The following SAMMSON variants were observed in gnomAD, a reference collection of about 807,000 sequenced individuals.
SAMMSON encodes survival associated mitochondrial melanoma specific oncogenic non-coding RNA, also known as long intergenic non-protein coding RNA 1212.
intron 3 of SAMMSON, among the ~76,000 whole-genome samples, chr3:70,054,916 T>C (rs2067161542): frequency 6.6e-6 from 1 of 152,164 alleles, no homozygotes; most frequent in African/African-American, 2.4e-5. Context: ...GGCTGAAATA[T>C]CTTGATTTTC....
At chr3:70,334,009 T>G (rs1277528296) in intron 7 of SAMMSON, among the ~76,000 whole-genome samples, 1 of 152,250 alleles carries the variant, frequency 6.6e-6, no homozygotes, top group African/African-American at 2.4e-5. Flanking sequence ...GCTTCCTCAC[T>G]TGTTCAATGG....
chr3:70,348,081 A>C (rs1007759750), intron 7 of SAMMSON, among the ~76,000 whole-genome samples: 2 of 152,138 alleles, frequency 1.3e-5, no homozygotes, highest in African/African-American at 4.8e-5. Flanking sequence ...AAAAGTGGTA[A>C]GTGCTAAAGG....
chr3:70,236,214 A>G (rs1701607519), intron 4 of SAMMSON, among the ~76,000 whole-genome samples: 1 of 152,126 alleles, frequency 6.6e-6, no homozygotes, highest in Non-Finnish European at 1.5e-5. Flanking sequence ...GCCCCTTGTG[A>G]TCTACAGATC....
At chr3:70,020,137 C>G (rs2067006078) in intron 3 of SAMMSON, among the ~76,000 whole-genome samples, 1 of 152,110 alleles carries the variant, frequency 6.6e-6, no homozygotes, top group Non-Finnish European at 1.5e-5. Flanking sequence ...GGGCCGAGCA[C>G]CAGTTGCAAT....
chr3:70,200,919 A>T (rs1701231245), intron 4 of SAMMSON, among the ~76,000 whole-genome samples: 1 of 151,266 alleles, frequency 6.6e-6, no homozygotes, highest in South Asian at 2.1e-4. Context: ...TATATGTGTC[A>T]ACTATTTTGC....
intron 2 of SAMMSON, among the ~76,000 whole-genome samples, chr3:70,411,130 C>G (rs1435465761): frequency 6.6e-6 from 1 of 152,074 alleles, no homozygotes; most frequent in Admixed American, 6.6e-5. Flanking sequence ...CAGGTACAGC[C>G]TGTAAAGGAG....
intron 7 of SAMMSON, among the ~76,000 whole-genome samples, chr3:70,331,950 A>G (rs975242784): frequency 6.6e-6 from 1 of 152,224 alleles, no homozygotes; most frequent in Non-Finnish European, 1.5e-5. Flanking sequence ...TTAAATTACT[A>G]TGTCACTACT....
rs190802134 is a variant in SAMMSON at position 70,341,311 on chromosome 3, G to A, written n.740-12864G>A. ...CCAATTCTGTCCCAGTAGCATCTAG[G>A]ACTGTGAGGCAGACCCTGTTTTTTT... is the stretch of plus-strand genomic sequence containing the variant. On this transcript the variant is annotated intron_variant and non_coding_transcript_variant, in intron 7 of 9. Transcript: ENST00000642114. Among the ~76,000 whole-genome samples, 267 of 152,132 alleles carry A rather than the reference G, an allele frequency of 1.8e-3. 3 individuals carry two copies. Among genetic ancestry groups the A allele is most frequent in the Admixed American group, 5.0e-3 (77 of 15,264 alleles).
intron 9 of SAMMSON, among the ~76,000 whole-genome samples, chr3:70,366,076 C>T (rs1374753454): frequency 2.3e-5 from 1 of 42,814 alleles, no homozygotes; most frequent in Non-Finnish European, 5.3e-5. Flanking sequence ...CTGCAAGCTC[C>T]GCTTCCCGGG....
At chr3:70,015,870 G>C (rs568220923) in intron 3 of SAMMSON, among the ~76,000 whole-genome samples, 4 of 152,008 alleles carry the variant, frequency 2.6e-5, no homozygotes, top group Non-Finnish European at 5.9e-5. Flanking sequence ...AGCTTCATCC[G>C]TGTCCCTACA....
intron 4 of SAMMSON, among the ~76,000 whole-genome samples, chr3:70,222,133 T>C (rs1407684902): frequency 6.6e-6 from 1 of 152,152 alleles, no homozygotes; most frequent in East Asian, 1.9e-4. Flanking sequence ...AGCTTCTCCC[T>C]GTCTCCCCAG....
intron 2 of SAMMSON, among the ~76,000 whole-genome samples, chr3:70,399,171 C>A (rs376324594): frequency 1.4e-4 from 21 of 152,164 alleles, no homozygotes. Flanking sequence ...GGTTGGCAAG[C>A]CCACCTACTC....
At chr3:70,246,533 A>C (rs1051178176) in intron 4 of SAMMSON, among the ~76,000 whole-genome samples, 1 of 152,118 alleles carries the variant, frequency 6.6e-6, no homozygotes, top group East Asian at 1.9e-4. Context: ...CACGAGATGC[A>C]CAATTTAATT....
At chr3:70,190,501 G>A (rs575374524) in intron 4 of SAMMSON, among the ~76,000 whole-genome samples, 50 of 152,070 alleles carry the variant, frequency 3.3e-4, no homozygotes, top group Non-Finnish European at 5.9e-4. Flanking sequence ...CCTGAAGTTG[G>A]GCAGTAGCCT....
At chr3:70,006,725 G>A (rs987289897) in intron 1 of SAMMSON, among the ~76,000 whole-genome samples, 14 of 151,582 alleles carry the variant, frequency 9.2e-5, no homozygotes, top group African/African-American at 3.4e-4. Flanking sequence ...AGTTACATAT[G>A]TATACATGTG....
chr3:70,315,573 G>A (rs188607739), intron 7 of SAMMSON, among the ~76,000 whole-genome samples: 2 of 151,992 alleles, frequency 1.3e-5, no homozygotes, highest in Non-Finnish European at 2.9e-5. Context: ...GGACATTAAG[G>A]GTATTCCATA....
At chr3:70,043,698 G>T (rs927127262) in intron 3 of SAMMSON, among the ~76,000 whole-genome samples, 10 of 152,004 alleles carry the variant, frequency 6.6e-5, no homozygotes, top group Non-Finnish European at 1.5e-5. Context: ...ACATTATCCT[G>T]TTGGGAACAT....
At chr3:70,001,041 T>C (rs1195701787) in intron 1 of SAMMSON, among the ~76,000 whole-genome samples, 1 of 152,028 alleles carries the variant, frequency 6.6e-6, no homozygotes, top group Non-Finnish European at 1.5e-5. Context: ...CACTGGACAA[T>C]GAGCCCTTTT....
At chr3:70,291,874 T>C (rs556209589) in intron 7 of SAMMSON, 53 of 152,354 alleles carry the variant, frequency 3.5e-4, no homozygotes, top group African/African-American at 1.1e-3. Flanking sequence ...TGGAAGAATG[T>C]AGGAGTCTAA....
Sources: allele counts gnomAD v4.1 joint callset (sites outside exome capture counted in the v4.1 genomes callset), GRCh38; gene constraint gnomAD v4.1.1; transcripts MANE v1.5; gene names NCBI Gene and HGNC (gene_info 2026-07-23, HGNC 2026-07-21).